The following FAM90A20 variants were observed in gnomAD, a reference collection of about 807,000 sequenced individuals.
The protein encoded by FAM90A20 is protein FAM90A20.
At chr8:7,297,667 C>G in the FAM90A20 span, 9 of 1,391,784 alleles carry the variant, frequency 6.5e-6, no homozygotes, top group Admixed American at 6.8e-5. Flanking sequence ...GTAGGTCGCC[C>G]CAGATGGGCA....
the FAM90A20 span, among the ~76,000 whole-genome samples, chr8:7,295,985 C>T: frequency 7.8e-6 from 1 of 128,380 alleles, no homozygotes; most frequent in Admixed American, 7.1e-5. Flanking sequence ...CGGGGTTCCA[C>T]ACCCAGGAGC....
the FAM90A20 span, chr8:7,297,803 C>G: frequency 8.4e-7 from 1 of 1,192,798 alleles, no homozygotes; most frequent in Non-Finnish European, 1.2e-6. Context: ...GGCCCAGCCT[C>G]TCAGAGTGCT....
chr8:7,295,966 C>G, the FAM90A20 span: 2 of 525,400 alleles, frequency 3.8e-6, no homozygotes, highest in Non-Finnish European at 6.6e-6. Flanking sequence ...GCCGGAGCTC[C>G]GTGTCCTCCG....
At chr8:7,296,540 G>T in the FAM90A20 span, 2 of 615,432 alleles carry the variant, frequency 3.2e-6, no homozygotes, top group East Asian at 3.1e-5. Context: ...ATCCTTGCAG[G>T]TCAGTTTGAT....
chr8:7,296,794 G>T, the FAM90A20 span, among the ~76,000 whole-genome samples: 3 of 136,064 alleles, frequency 2.2e-5, 1 homozygote, highest in African/African-American at 1.0e-4. Context: ...AGGCTGAGTG[G>T]AGGCACTTTG....
chr8:7,296,359 A>G, the FAM90A20 span: 3 of 746,786 alleles, frequency 4.0e-6, no homozygotes, highest in East Asian at 7.5e-5. Context: ...GCCGCTGCCG[A>G]ATGGAAAAGG....
At chr8:7,296,219 C>G in the FAM90A20 span, 2 of 665,794 alleles carry the variant, frequency 3.0e-6, no homozygotes, top group Non-Finnish European at 5.5e-6. Flanking sequence ...GGGGCTGGGC[C>G]CCAGACGGGG....
the FAM90A20 span, chr8:7,297,750 A>C: frequency 1.3e-6 from 2 of 1,483,416 alleles, 1 homozygote; most frequent in Non-Finnish European, 1.8e-6. Flanking sequence ...CCTACTGCCC[A>C]GGCCTGCACC....
the FAM90A20 span, chr8:7,297,822 G>A: frequency 9.0e-5 from 101 of 1,121,402 alleles, 6 homozygotes; most frequent in Admixed American, 5.7e-4. Context: ...CTCTTCCGGA[G>A]ACTGGAAAAC....
At chr8:7,296,842 G>A in the FAM90A20 span, among the ~76,000 whole-genome samples, 17 of 136,530 alleles carry the variant, frequency 1.2e-4, 7 homozygotes, top group African/African-American at 5.9e-4. Flanking sequence ...TTTGAACAAT[G>A]GTGTGCTTAG....
At chr8:7,296,935 C>G in the FAM90A20 span, 5 of 819,998 alleles carry the variant, frequency 6.1e-6, no homozygotes, top group Non-Finnish European at 9.4e-6. Flanking sequence ...TCCCTACTTC[C>G]AAGGACCGCC....
At chr8:7,297,319 C>G in the FAM90A20 span, 13 of 1,362,426 alleles carry the variant, frequency 9.5e-6, 1 homozygote, top group East Asian at 1.6e-4. Flanking sequence ...AGCCGACACA[C>G]AGCAGCCCTG....
the FAM90A20 span, chr8:7,297,439 C>A: frequency 6.4e-6 from 10 of 1,555,086 alleles, 2 homozygotes; most frequent in African/African-American, 1.2e-4. Flanking sequence ...CACAGCCCTG[C>A]CCATCAGCCG....
At chr8:7,297,282 A>T in the FAM90A20 span, 1 of 1,359,226 alleles carries the variant, frequency 7.4e-7, no homozygotes, top group South Asian at 1.2e-5. Flanking sequence ...GTCAGGCACC[A>T]GGTCCACGAG....
the FAM90A20 span, chr8:7,296,314 C>T: frequency 1.4e-6 from 1 of 740,110 alleles, no homozygotes; most frequent in Non-Finnish European, 2.4e-6. Flanking sequence ...GAGGAAGGCT[C>T]TCCTCCACAT....
the FAM90A20 span, chr8:7,296,303 A>C: frequency 1.4e-6 from 1 of 738,438 alleles, no homozygotes; most frequent in South Asian, 1.4e-5. Context: ...CAAGACCCGC[A>C]GAGGAAGGCT....
the FAM90A20 span, among the ~76,000 whole-genome samples, chr8:7,296,667 C>G: frequency 1.3e-4 from 17 of 134,722 alleles, 1 homozygote; most frequent in South Asian, 3.5e-3. Flanking sequence ...CCTCAGAGGC[C>G]GCAAACGTGG....
the FAM90A20 span, chr8:7,297,442 A>G: frequency 4.2e-3 from 6,488 of 1,551,916 alleles, 490 homozygotes; most frequent in South Asian, 0.042. Flanking sequence ...AGCCCTGCCC[A>G]TCAGCCGCCA....
chr8:7,295,704 C>T, the FAM90A20 span: 2 of 777,982 alleles, frequency 2.6e-6, no homozygotes, highest in Non-Finnish European at 4.3e-6. Context: ...TGCTGGAAGG[C>T]AGCCCTGGTT....
Sources: allele counts gnomAD v4.1 joint callset (sites outside exome capture counted in the v4.1 genomes callset), GRCh38; gene constraint gnomAD v4.1.1; transcripts MANE v1.5; gene names NCBI Gene and HGNC (gene_info 2026-07-23, HGNC 2026-07-21).